Variants in RAB28 observed in about 807,000 individuals in gnomAD.
RAB28 encodes ras-related protein Rab-28.
A neutral mutation model predicts 31.7 loss-of-function variants in RAB28; 24 were observed. The observed-to-expected ratio is 0.76, with a 90% confidence interval of 0.55 to 1.06. The LOEUF (loss-of-function observed/expected upper bound fraction) is 1.06, where lower values mean the gene tolerates loss of function less well. RAB28 is among the 50% of genes least tolerant of loss of function. The pLI is 0.00. For missense variants in RAB28, 254 were observed against 258.5 expected (o/e 0.98, Z 0.12); for synonymous variants, 100 against 90.4 (o/e 1.11, Z -0.60).
chr4:13,415,748 C>G (rs1426213338), intron 4 of RAB28, among the ~76,000 whole-genome samples: 1 of 152,170 alleles, frequency 6.6e-6, no homozygotes, highest in Admixed American at 6.5e-5. Flanking sequence ...CCAATGACCA[C>G]GCAAAGGCTG....
At chr4:13,438,779 T>C (rs934503658) in intron 4 of RAB28, among the ~76,000 whole-genome samples, 1 of 152,082 alleles carries the variant, frequency 6.6e-6, no homozygotes, top group Non-Finnish European at 1.5e-5. Flanking sequence ...CTTGGGAAGA[T>C]ACCTAGGAGT....
intron 6 of RAB28, chr4:13,370,407 C>T (rs1379605729): frequency 1.2e-6 from 1 of 854,866 alleles, no homozygotes; most frequent in Non-Finnish European, 1.4e-6. Context: ...ATACTATGTG[C>T]CAGTCACTCT....
chr4:13,397,492 T>G (rs1349889704), intron 4 of RAB28, among the ~76,000 whole-genome samples: 2 of 152,102 alleles, frequency 1.3e-5, no homozygotes, highest in Non-Finnish European at 2.9e-5. Flanking sequence ...TATAAAAGTT[T>G]CCATTAAAAT....
intron 6 of RAB28, chr4:13,369,761 T>G: frequency 9.6e-7 from 1 of 1,045,304 alleles, no homozygotes; most frequent in Non-Finnish European, 1.3e-6. Flanking sequence ...CTTCCAATAA[T>G]GTACAATAAT....
Position 13,373,499 on chromosome 4 carries a change from G to A in RAB28, c.573+3046C>T, listed in dbSNP as rs560355828. 4.9e-4 allele frequency among the ~76,000 whole-genome samples: 74 copies of A among 152,140 alleles called. 1 individual carries two copies. The highest frequency in any genetic ancestry group is 9.1e-4 in the Non-Finnish European group (62 of 68,018). ...ATTCTGGGAGCTCCTTGAGGATAGG[G>A]ACTTTCTCTTATTCATTTCTGTATC... On this transcript the variant is annotated intron_variant, in intron 6 of 6. Transcript: ENST00000330852.
chr4:13,474,834 T>C (rs761452656), intron 2 of RAB28, among the ~76,000 whole-genome samples: 3 of 151,784 alleles, frequency 2.0e-5, no homozygotes, highest in Admixed American at 1.3e-4. Flanking sequence ...CTAAACTCTA[T>C]GGCTTCTAAA....
chr4:13,371,318 T>C (rs1456849974), intron 6 of RAB28: 12 of 985,134 alleles, frequency 1.2e-5, no homozygotes, highest in South Asian at 4.7e-5. Context: ...CAGTGAAATA[T>C]TGTATACCAT....
intron 4 of RAB28, among the ~76,000 whole-genome samples, chr4:13,454,841 G>A (rs1192392755): frequency 6.6e-6 from 1 of 152,194 alleles, no homozygotes; most frequent in Non-Finnish European, 1.5e-5. Context: ...CTAAGGTCCA[G>A]TACATGGCTA....
In RAB28 at chr4:13,483,562, A is replaced by G. The variant is rs570254757; in HGVS notation, c.75+514T>C. On this transcript the variant is annotated intron_variant, in intron 1 of 6. Transcript: ENST00000330852. ...TTTGCGGCGGCCCTTTTCAATACCCATCTTACAGATGAAGCTTAAACTGAT... is the reference window on the plus strand; with the variant it reads ...TTTGCGGCGGCCCTTTTCAATACCCGTCTTACAGATGAAGCTTAAACTGAT... Among the ~76,000 whole-genome samples, 24 of 152,348 alleles carry G rather than the reference A, an allele frequency of 1.6e-4. No individual in the cohort carries two copies. In the East Asian group the frequency reaches 1.9e-3, roughly 12 times the overall value.
At chr4:13,438,499 A>C (rs11725043) in intron 4 of RAB28, among the ~76,000 whole-genome samples, 14,270 of 152,130 alleles carry the variant, frequency 0.094, 1,319 homozygotes, top group African/African-American at 0.24. Flanking sequence ...TTATTTTGAA[A>C]ACTTCTTATA....
chr4:13,425,678 C>A (rs1038132673), intron 4 of RAB28, among the ~76,000 whole-genome samples: 5 of 152,162 alleles, frequency 3.3e-5, no homozygotes, highest in South Asian at 4.1e-4. Context: ...ATTAATTTAA[C>A]CTCTGGCAAA....
At chr4:13,391,056 G>T (rs1729606869) in intron 4 of RAB28, among the ~76,000 whole-genome samples, 1 of 152,080 alleles carries the variant, frequency 6.6e-6, no homozygotes, top group South Asian at 2.1e-4. Context: ...TTGACAAATG[G>T]GATCTAATTA....
At chr4:13,378,819 CTGTT>C (rs1432300969) in intron 5 of RAB28, among the ~76,000 whole-genome samples, 1 of 152,018 alleles carries the variant, frequency 6.6e-6, no homozygotes, top group Non-Finnish European at 1.5e-5. Context: ...AAGTTGTCTT[CTGTT>C]TGTTTCAAAT....
chr4:13,387,889 G>A (rs1729446948), intron 4 of RAB28, among the ~76,000 whole-genome samples: 1 of 152,024 alleles, frequency 6.6e-6, no homozygotes, highest in South Asian at 2.1e-4. Context: ...TGCAAAACTT[G>A]TTGAGGGATC....
intron 6 of RAB28, among the ~76,000 whole-genome samples, chr4:13,375,891 G>C (rs1345896989): frequency 1.3e-5 from 2 of 151,954 alleles, no homozygotes; most frequent in Non-Finnish European, 2.9e-5. Flanking sequence ...TACTTTTTTA[G>C]TTGCACAGGG....
chr4:13,483,990 C>T, intron 1 of RAB28, 86 bp downstream of exon 1: 1 of 1,313,690 alleles, frequency 7.6e-7, no homozygotes, highest in Non-Finnish European at 1.1e-6. Context: ...CTCGGGGTAA[C>T]GAGGCGACGC....
At chr4:13,477,325 G>T (rs1055049947) in intron 2 of RAB28, among the ~76,000 whole-genome samples, 1 of 151,392 alleles carries the variant, frequency 6.6e-6, no homozygotes, top group African/African-American at 2.4e-5. Flanking sequence ...TGGACAGGAG[G>T]TTTACACCCC....
rs557667702 is a variant in RAB28, at chr4:13,461,611, A to T, written c.262-783T>A. 4.6e-5 allele frequency among the ~76,000 whole-genome samples: 7 copies of T among 152,316 alleles called. No homozygotes were observed. The East Asian group carries it at 1.4e-3, about 29-fold the overall frequency. On this transcript the variant is annotated intron_variant, in intron 3 of 6. Coordinates refer to ENST00000330852, the MANE Select transcript of RAB28 (RefSeq NM_001017979.3). ...TGTACTAAGAGTCTCAGCAATGCCA[A>T]ATACAACAGAAGGATTGCTTCCTGC...
chr4:13,404,089 G>C (rs1711930583), intron 4 of RAB28, among the ~76,000 whole-genome samples: 1 of 151,990 alleles, frequency 6.6e-6, no homozygotes, highest in Admixed American at 6.6e-5. Flanking sequence ...AAAAATAATG[G>C]ATCTTCTTGG....
Sources: allele counts gnomAD v4.1 joint callset (sites outside exome capture counted in the v4.1 genomes callset), GRCh38; gene constraint gnomAD v4.1.1; transcripts MANE v1.5; gene names NCBI Gene and HGNC (gene_info 2026-07-23, HGNC 2026-07-21).